The following SLC25A16 variants were observed in gnomAD, a reference collection of about 807,000 sequenced individuals.
The protein encoded by SLC25A16 is solute carrier family 25 member 16, also known as mitochondrial coenzyme A transporter SLC25A16.
A neutral mutation model predicts 41.5 loss-of-function variants in SLC25A16; 39 were observed. The ratio of observed to expected loss-of-function variants is 0.94; its 90% confidence interval spans 0.73 to 1.23. SLC25A16 has a LOEUF of 1.23. Ranked by LOEUF, SLC25A16 falls within the 50% of genes most tolerant of loss-of-function variation. The pLI is 0.00. For synonymous variants in SLC25A16, 146 were observed against 147.8 expected, an observed-to-expected ratio of 0.99 and a Z score of 0.09; for missense variants, 421 against 426.9, an observed-to-expected ratio of 0.99 and a Z score of 0.12.
chr10:68,515,365 GA>G (rs59305144), intron 2 of SLC25A16, among the ~76,000 whole-genome samples: 127,343 of 135,096 alleles, frequency 0.94, 59,987 homozygotes, highest in South Asian at 0.98. Flanking sequence ...TCCAAAAAAA[GA>G]AAAAAAAAAA....
At chr10:68,521,363 C>A (rs1272721858) in intron 1 of SLC25A16, among the ~76,000 whole-genome samples, 1 of 152,038 alleles carries the variant, frequency 6.6e-6, no homozygotes, top group Non-Finnish European at 1.5e-5. Flanking sequence ...TGGCAAAACC[C>A]CATCTCTACT....
intron 4 of SLC25A16, among the ~76,000 whole-genome samples, 158 bp downstream of exon 4, chr10:68,503,474 A>G (rs1236944189): frequency 6.6e-6 from 1 of 152,230 alleles, no homozygotes; most frequent in Non-Finnish European, 1.5e-5. Flanking sequence ...TTATTTTAAT[A>G]CATACCTTTT....
chr10:68,510,301 G>A (rs2133568231), intron 2 of SLC25A16, among the ~76,000 whole-genome samples: 1 of 151,962 alleles, frequency 6.6e-6, no homozygotes, highest in East Asian at 1.9e-4. Context: ...AGAGGCCAAA[G>A]TGGGTGGATC....
At chr10:68,517,332 G>A in intron 1 of SLC25A16, 4 of 784,386 alleles carry the variant, frequency 5.1e-6, no homozygotes, top group Non-Finnish European at 6.2e-6. Flanking sequence ...TATACATTCA[G>A]CAAATATGTA....
intron 2 of SLC25A16, among the ~76,000 whole-genome samples, chr10:68,510,004 G>A (rs1324692152): frequency 6.6e-6 from 1 of 151,710 alleles, no homozygotes; most frequent in East Asian, 1.9e-4. Context: ...TTGAAACCAG[G>A]AGGCAGAGGT....
In SLC25A16 at chr10:68,527,249, C is replaced by A; in HGVS notation, c.127G>T (p.Gly43Ter). Residue 43 changes from glycine (G) to a stop codon, truncating the protein, a stop_gained, in exon 1 of 9, where the codon GGA becomes TGA. Transcript: ENST00000609923. LOFTEE classifies it high-confidence loss of function. ...DFYWLRSFLA[G>*]GIAGCCAKTT... ...GCTCTTCGTGGCATGGACCCACCTC[C>A]GGCCAGAAAGGAGCGCAGCCAGTAG... 2.6e-6 allele frequency: 4 copies of A among 1,548,152 alleles called. No homozygotes were observed. Among genetic ancestry groups the A allele is most frequent in the East Asian group, 2.5e-5 (1 of 40,430 alleles).
At chr10:68,508,089 G>A (rs1346867181) in intron 2 of SLC25A16, among the ~76,000 whole-genome samples, 2 of 151,972 alleles carry the variant, frequency 1.3e-5, no homozygotes, top group Non-Finnish European at 2.9e-5. Context: ...AAATTAGGCA[G>A]GCATGGTGTC....
At chr10:68,514,615 T>C (rs1302242150) in intron 2 of SLC25A16, among the ~76,000 whole-genome samples, 1 of 152,228 alleles carries the variant, frequency 6.6e-6, no homozygotes, top group Non-Finnish European at 1.5e-5. Flanking sequence ...TAGGTACTTT[T>C]TGAGACTTTT....
At chr10:68,506,487 T>C (rs537932589) in intron 3 of SLC25A16, 98 bp downstream of exon 3, 7 of 823,524 alleles carry the variant, frequency 8.5e-6, no homozygotes, top group Non-Finnish European at 1.2e-5. Context: ...TTTAAAAATA[T>C]GAAACTTTTA....
chr10:68,514,488 T>G (rs2053125155), intron 2 of SLC25A16, among the ~76,000 whole-genome samples: 1 of 152,224 alleles, frequency 6.6e-6, no homozygotes, highest in South Asian at 2.1e-4. Context: ...ACAGTGAAAC[T>G]CCATCTCAAA....
At chr10:68,495,797 A>AGAG (rs1207733877) in intron 4 of SLC25A16, among the ~76,000 whole-genome samples, 2 of 151,562 alleles carry the variant, frequency 1.3e-5, no homozygotes, top group African/African-American at 2.4e-5. Context: ...AAAAAAAAAA[A>AGAG]AAAAGAGAAA....
chr10:68,484,069 C>G (rs2052520299), intron 8 of SLC25A16, among the ~76,000 whole-genome samples: 1 of 152,114 alleles, frequency 6.6e-6, no homozygotes, highest in East Asian at 1.9e-4. Context: ...GCAAGTCATT[C>G]TAAACAAGTA....
chr10:68,491,567 C>A (rs2052659067), intron 6 of SLC25A16, among the ~76,000 whole-genome samples: 1 of 151,982 alleles, frequency 6.6e-6, no homozygotes, highest in South Asian at 2.1e-4. Context: ...GAGACAAGGT[C>A]TCACTCTGTC....
chr10:68,483,313 C>A lies in SLC25A16; in HGVS notation c.*119G>T. ...GAAAAAATAATCAAGTACTAAAATA[C>A]CAGTGGCTCTTGTGACAGGGTAAAT... On this transcript the variant is annotated 3_prime_UTR_variant, in exon 9 of 9. Transcript: ENST00000609923. 1 of 635,502 alleles carries A rather than the reference C, an allele frequency of 1.6e-6. No homozygotes were observed. Among genetic ancestry groups the A allele is most frequent in the Non-Finnish European group, 2.6e-6 (1 of 381,696 alleles). The allele number at this position is 635,502 out of a possible 1,614,324, so 39.4% of individuals were successfully genotyped here.
chr10:68,501,081 G>A lies in SLC25A16; in HGVS notation c.421+2551C>T, dbSNP rs184004515. ...AGCCTGGACAACATGGTGAAACCCC[G>A]TCTCTACTAAAAACACAAAAATTAG... On this transcript the variant is annotated intron_variant, in intron 4 of 8. Coordinates refer to ENST00000609923, the MANE Select transcript of SLC25A16 (RefSeq NM_152707.4). Among the ~76,000 whole-genome samples, 30 of 150,906 alleles carry A rather than the reference G, an allele frequency of 2.0e-4. No homozygotes were observed. The East Asian group carries it at 4.5e-3, about 23-fold the overall frequency.
At chr10:68,485,252 G>C (rs182274233) in intron 8 of SLC25A16, among the ~76,000 whole-genome samples, 8 of 151,958 alleles carry the variant, frequency 5.3e-5, no homozygotes, top group Admixed American at 6.6e-5. Flanking sequence ...GCCACACCCA[G>C]CTAATTTTTT....
intron 3 of SLC25A16, among the ~76,000 whole-genome samples, chr10:68,505,303 C>T (rs1280282740): frequency 6.6e-6 from 1 of 151,840 alleles, no homozygotes; most frequent in Non-Finnish European, 1.5e-5. Context: ...AAGCCAGGAC[C>T]ACATCACTGC....
intron 2 of SLC25A16, among the ~76,000 whole-genome samples, chr10:68,513,427 A>G (rs952741151): frequency 1.3e-5 from 2 of 151,554 alleles, no homozygotes; most frequent in African/African-American, 4.9e-5. Context: ...AAGAGGAAAA[A>G]AAAAAGAAAA....
chr10:68,505,376 G>A (rs955173293), intron 3 of SLC25A16, among the ~76,000 whole-genome samples: 4 of 151,302 alleles, frequency 2.6e-5, no homozygotes, highest in Non-Finnish European at 5.9e-5. Context: ...AAAAGAGGGA[G>A]GGAAGGAGGG....
Sources: gnomAD v4.1 joint callset for allele counts (sites outside exome capture counted in the v4.1 genomes callset) on GRCh38, gnomAD v4.1.1 for gene constraint, MANE v1.5 for transcripts, NCBI Gene and HGNC (gene_info 2026-07-23, HGNC 2026-07-21) for gene names.